The following SH2D4A variants were observed in gnomAD, a reference collection of about 807,000 sequenced individuals.
The protein encoded by SH2D4A is SH2 domain-containing protein 4A.
A neutral mutation model predicts 64.7 loss-of-function variants in SH2D4A; 70 were observed. The ratio of observed to expected loss-of-function variants is 1.08; its 90% CI spans 0.89 to 1.32. The LOEUF is 1.32. Among genes scored for constraint, SH2D4A ranks in the 40% most tolerant of loss-of-function variants. The pLI, the probability that SH2D4A is intolerant of heterozygous loss-of-function variation, is 0.00. For missense variants in SH2D4A, 706 were observed against 540.1 expected, an observed-to-expected ratio of 1.31 and a Z score of -3.04; for synonymous variants, 268 against 200.7, an observed-to-expected ratio of 1.34 and a Z score of -2.83.
intron 7 of SH2D4A, among the ~76,000 whole-genome samples, chr8:19,372,389 ACTC>A (rs1442742535): frequency 1.3e-5 from 2 of 151,994 alleles, no homozygotes; most frequent in South Asian, 4.2e-4. Context: ...CTGGTCAGGG[ACTC>A]CAGTACAGAA....
In SH2D4A at chr8:19,357,257, CG is replaced by C. The variant is rs757549776; in HGVS notation, c.569del (p.Arg190LeufsTer2). Reference protein sequence around the residue: ...IQQMLADSINRMKAYAFHQKK... With the variant: ...IQQMLADSINXMKAYAFHQKK... ...ACAAATGTTGGCAGATTCAATCAATCGTATGAAGGCATATGCATTTCACCAG... is the reference window on the plus strand; with the variant it reads ...ACAAATGTTGGCAGATTCAATCAATCTATGAAGGCATATGCATTTCACCAG... On this transcript the variant is annotated frameshift_variant, in exon 5 of 10. Coordinates refer to ENST00000265807, the MANE Select transcript of SH2D4A (RefSeq NM_022071.4). LOFTEE classifies it high-confidence loss of function. 1.9e-6 allele frequency: 3 copies of C among 1,613,788 alleles called. No individual in the cohort carries two copies.
chr8:19,332,037 CCTAACTA>C (rs2052371071), intron 2 of SH2D4A, among the ~76,000 whole-genome samples: 1 of 152,044 alleles, frequency 6.6e-6, no homozygotes, highest in African/African-American at 2.4e-5. Context: ...TGCCTGCATT[CCTAACTA>C]CTATGAGCTC....
chr8:19,326,663 AGTGTGTGTGT>A (rs909908221), intron 2 of SH2D4A, among the ~76,000 whole-genome samples: 1 of 109,452 alleles, frequency 9.1e-6, no homozygotes, highest in East Asian at 2.3e-4. Context: ...TGTATGTGTG[AGTGTGTGTGT>A]GTGTAGTGTG....
chr8:19,332,810 T>C (rs2117207126), intron 2 of SH2D4A, 145 bp from the exon 3 acceptor site: 1 of 597,226 alleles, frequency 1.7e-6, no homozygotes, highest in African/African-American at 1.9e-5. Context: ...CTACAGATGT[T>C]CCTGAGCAGT....
intron 8 of SH2D4A, among the ~76,000 whole-genome samples, chr8:19,392,316 AGT>A (rs1763412536): frequency 6.6e-6 from 1 of 152,210 alleles, no homozygotes; most frequent in South Asian, 2.1e-4. Flanking sequence ...AGTAGAACTG[AGT>A]CTGACTTGGC....
In SH2D4A at chr8:19,364,139, G is replaced by C; in HGVS notation, c.774G>C (p.Lys258Asn). 1 of 1,614,136 alleles carries C rather than the reference G, an allele frequency of 6.2e-7. No homozygotes were observed. Among genetic ancestry groups the C allele is most frequent in the Non-Finnish European group, 8.5e-7 (1 of 1,180,002 alleles). Residue 258 changes from lysine to asparagine, a missense_variant, in exon 7 of 10, where the codon AAG (lysine) becomes AAC (asparagine). Physicochemically the swap from Lys to Asn is moderately conservative, Grantham distance 94. Coordinates refer to ENST00000265807, the MANE Select transcript of SH2D4A (RefSeq NM_022071.4). The stretch of plus-strand genomic sequence containing the variant: ...CTAAACAAGCACGAGAAGACTACAA[G>C]AGGTTATCCCTCGGGGCCCAGAAAG... The part of the protein sequence containing the change: ...SLAKQAREDY[K>N]RLSLGAQKGR...
At chr8:19,367,445 A>T (rs977629126) in intron 7 of SH2D4A, among the ~76,000 whole-genome samples, 1 of 152,226 alleles carries the variant, frequency 6.6e-6, no homozygotes, top group African/African-American at 2.4e-5. Flanking sequence ...AAAATAAAAA[A>T]CTGGGCAAGG....
At chr8:19,332,820 T>A (rs1257529537) in intron 2 of SH2D4A, 135 bp from the exon 3 acceptor site, 1 of 659,262 alleles carries the variant, frequency 1.5e-6, no homozygotes, top group South Asian at 3.4e-5. Flanking sequence ...TCCTGAGCAG[T>A]TGGAAGTTCT....
intron 8 of SH2D4A, among the ~76,000 whole-genome samples, chr8:19,381,458 CAG>C (rs1472611251): frequency 1.3e-5 from 2 of 152,102 alleles, no homozygotes; most frequent in Non-Finnish European, 1.5e-5. Flanking sequence ...ATTTCCTTCT[CAG>C]AGTGTTGTTA....
chr8:19,326,344 G>C (rs575011054), intron 2 of SH2D4A, among the ~76,000 whole-genome samples: 68 of 152,318 alleles, frequency 4.5e-4, no homozygotes, highest in African/African-American at 1.6e-3. Context: ...GAGGGGAACC[G>C]GGGTGTCCCA....
chr8:19,373,109 A>G (rs2053131571), intron 7 of SH2D4A, among the ~76,000 whole-genome samples: 1 of 152,114 alleles, frequency 6.6e-6, no homozygotes, highest in South Asian at 2.1e-4. Flanking sequence ...TATACAAATG[A>G]ACTTAAATCT....
intron 1 of SH2D4A, among the ~76,000 whole-genome samples, chr8:19,317,113 A>G (rs2052101723): frequency 2.0e-5 from 3 of 152,188 alleles, no homozygotes; most frequent in Admixed American, 1.3e-4. Flanking sequence ...TGAACTGTTC[A>G]TCTTCTGCCG....
intron 4 of SH2D4A, among the ~76,000 whole-genome samples, chr8:19,337,680 G>A (rs2052464838): frequency 6.6e-6 from 1 of 152,190 alleles, no homozygotes; most frequent in South Asian, 2.1e-4. Context: ...TGTGGAAGGT[G>A]AAAGGCACGT....
At chr8:19,335,235 C>G (rs1432405605) in intron 4 of SH2D4A, among the ~76,000 whole-genome samples, 1 of 151,962 alleles carries the variant, frequency 6.6e-6, no homozygotes, top group Non-Finnish European at 1.5e-5. Context: ...TTGCAGTGAG[C>G]CGAGATTGCG....
intron 1 of SH2D4A, among the ~76,000 whole-genome samples, chr8:19,316,488 A>C: frequency 6.6e-6 from 1 of 152,138 alleles, no homozygotes; most frequent in East Asian, 1.9e-4. Context: ...GTGTCTGGTG[A>C]ATACGTGGGT....
At chr8:19,347,937 G>A (rs1352521586) in intron 4 of SH2D4A, among the ~76,000 whole-genome samples, 2 of 152,070 alleles carry the variant, frequency 1.3e-5, no homozygotes, top group African/African-American at 4.8e-5. Flanking sequence ...CACAACACAC[G>A]TGTGCATGCT....
chr8:19,368,111 G>A (rs547977243), intron 7 of SH2D4A, among the ~76,000 whole-genome samples: 1 of 152,170 alleles, frequency 6.6e-6, no homozygotes, highest in Admixed American at 6.5e-5. Context: ...ATATTGAAGA[G>A]ACTATCCTTT....
rs114647449 is a variant in SH2D4A, at chr8:19,327,402, C to T, written c.182-5553C>T. Among the ~76,000 whole-genome samples, 888 of 152,294 alleles carry T rather than the reference C, an allele frequency of 5.8e-3. 7 individuals carry two copies. The highest frequency in any genetic ancestry group is 0.02 in the African/African-American group (828 of 41,562). On this transcript the variant is annotated intron_variant, in intron 2 of 9. Coordinates refer to ENST00000265807, the MANE Select transcript of SH2D4A (RefSeq NM_022071.4). ...GGCGGTATTCAACTAGGAAAAGACA[C>T]GTGCATGCCCCATTAGGCTCCCTGA...
At chr8:19,381,546 A>G (rs2053292760) in intron 8 of SH2D4A, among the ~76,000 whole-genome samples, 1 of 152,128 alleles carries the variant, frequency 6.6e-6, no homozygotes, top group Admixed American at 6.6e-5. Flanking sequence ...TATTAGTTTT[A>G]ACAGTTTTTT....
Sources: gnomAD v4.1 joint callset for allele counts (sites outside exome capture counted in the v4.1 genomes callset) on GRCh38, gnomAD v4.1.1 for gene constraint, MANE v1.5 for transcripts, NCBI Gene and HGNC (gene_info 2026-07-23, HGNC 2026-07-21) for gene names.